The following IPCEF1 variants were observed in gnomAD, a reference collection of about 807,000 sequenced individuals.
IPCEF1 encodes the protein interaction protein for cytohesin exchange factors 1.
In IPCEF1, 31 loss-of-function variants were observed where a neutral mutation model predicts 50.9. The ratio of observed to expected loss-of-function variants is 0.61; its 90% CI spans 0.46 to 0.82. IPCEF1 has a LOEUF of 0.82. Among genes scored for constraint, IPCEF1 ranks in the 40% least tolerant of loss-of-function variants. IPCEF1 has a pLI of 0.00. For synonymous variants in IPCEF1, 181 were observed against 192.0 expected (o/e 0.94, Z 0.47); for missense variants, 458 against 514.0 (o/e 0.89, Z 1.05).
rs1020383648 is a variant in IPCEF1 at position 154,156,826 on chromosome 6, G to A, written c.*3002C>T. 6 of 152,260 alleles carry A rather than the reference G, an allele frequency of 3.9e-5. No individual in the cohort carries two copies. Among genetic ancestry groups the A allele is most frequent in the South Asian group, 4.1e-4 (2 of 4,822 alleles). 9.4% of individuals were successfully genotyped at this position (152,260 alleles called of 1,614,324 possible). A position where few individuals can be genotyped will look rare whatever the true frequency, so the allele number is the denominator to read the frequency against. ...TCAACCAGTGAAGGCATCACATCAG[G>A]CTCCGTTCTGGATCTACAGGCTAAC... On this transcript the variant is annotated 3_prime_UTR_variant, in exon 12 of 12. Coordinates refer to ENST00000367220, the MANE Select transcript of IPCEF1 (RefSeq NM_001130700.2).
chr6:154,262,311 T>C (rs1427783134), intron 3 of IPCEF1, among the ~76,000 whole-genome samples: 1 of 152,248 alleles, frequency 6.6e-6, no homozygotes, highest in Non-Finnish European at 1.5e-5. Flanking sequence ...ATTATAGTGG[T>C]AATGGCTTTA....
intron 10 of IPCEF1, among the ~76,000 whole-genome samples, chr6:154,169,760 G>A (rs531891137): frequency 1.3e-5 from 2 of 152,308 alleles, no homozygotes; most frequent in South Asian, 2.1e-4. Flanking sequence ...TGGACTAGAC[G>A]AGGCCAATGG....
chr6:154,231,563 C>T (rs559670670), intron 5 of IPCEF1, among the ~76,000 whole-genome samples: 4 of 152,178 alleles, frequency 2.6e-5, no homozygotes, highest in African/African-American at 7.2e-5. Flanking sequence ...CGCCATACAA[C>T]GCGTAGAGCA....
chr6:154,227,241 A>T (rs1779326326), intron 5 of IPCEF1, among the ~76,000 whole-genome samples: 1 of 151,894 alleles, frequency 6.6e-6, no homozygotes, highest in Non-Finnish European at 1.5e-5. Context: ...ATAAAATAAT[A>T]AAAAAATAAA....
intron 1 of IPCEF1, among the ~76,000 whole-genome samples, chr6:154,295,885 ACAC>A (rs1782639701): frequency 7.8e-6 from 1 of 128,116 alleles, no homozygotes; most frequent in Non-Finnish European, 1.6e-5. Flanking sequence ...ACACACACAC[ACAC>A]ATGCGTACAC....
At chr6:154,214,416 C>A in intron 7 of IPCEF1, 140 bp from the exon 8 acceptor site, 1 of 704,424 alleles carries the variant, frequency 1.4e-6, no homozygotes, top group South Asian at 1.6e-5. Flanking sequence ...AAGTTTGTGC[C>A]ATCGAAACCT....
intron 9 of IPCEF1, among the ~76,000 whole-genome samples, chr6:154,207,309 A>G (rs1777583454): frequency 1.3e-5 from 2 of 152,180 alleles, no homozygotes; most frequent in South Asian, 4.1e-4. Flanking sequence ...ATATTCAACC[A>G]TATGGCTTAC....
chr6:154,323,686 C>G (rs955601548), intron 1 of IPCEF1, among the ~76,000 whole-genome samples: 1 of 152,182 alleles, frequency 6.6e-6, no homozygotes, highest in Non-Finnish European at 1.5e-5. Flanking sequence ...GGTGCAGTGG[C>G]TCACACCTGT....
chr6:154,230,950 A>G (rs1210381577), intron 5 of IPCEF1, among the ~76,000 whole-genome samples: 1 of 152,214 alleles, frequency 6.6e-6, no homozygotes, highest in East Asian at 1.9e-4. Flanking sequence ...AATTCTTGAA[A>G]TTACATTGAG....
At chr6:154,179,479 G>C (rs1005064017) in intron 10 of IPCEF1, among the ~76,000 whole-genome samples, 1 of 152,146 alleles carries the variant, frequency 6.6e-6, no homozygotes, top group Admixed American at 6.6e-5. Flanking sequence ...TTGGAGACGG[G>C]AGCCAAATTA....
At chr6:154,262,911 G>C (rs1781640032) in intron 3 of IPCEF1, among the ~76,000 whole-genome samples, 7 of 151,620 alleles carry the variant, frequency 4.6e-5, no homozygotes, top group Admixed American at 4.6e-4. Context: ...TCAGTAGCTG[G>C]GACTACAGGT....
chr6:154,191,552 T>C (rs1418350109), intron 10 of IPCEF1, among the ~76,000 whole-genome samples: 1 of 151,988 alleles, frequency 6.6e-6, no homozygotes, highest in Non-Finnish European at 1.5e-5. Flanking sequence ...CGAGCGCCTA[T>C]AGTCCTAGCT....
intron 5 of IPCEF1, among the ~76,000 whole-genome samples, chr6:154,231,869 G>A (rs1451851820): frequency 2.6e-5 from 4 of 152,116 alleles, no homozygotes; most frequent in African/African-American, 4.8e-5. Flanking sequence ...AGCAATTCTC[G>A]AAATTAAAAA....
intron 10 of IPCEF1, among the ~76,000 whole-genome samples, chr6:154,180,014 G>A (rs1800695356): frequency 6.6e-6 from 1 of 152,144 alleles, no homozygotes; most frequent in Non-Finnish European, 1.5e-5. Flanking sequence ...AATTTTTCAT[G>A]CAATGCTAGC....
At chr6:154,343,965 C>T (rs2473541) in intron 1 of IPCEF1, among the ~76,000 whole-genome samples, 52,349 of 152,010 alleles carry the variant, frequency 0.34, 9,737 homozygotes, top group Non-Finnish European at 0.43. Context: ...ATCAAGGCGC[C>T]CTGCATTTGC....
chr6:154,331,429 G>T (rs1207659917), intron 1 of IPCEF1, among the ~76,000 whole-genome samples: 1 of 140,152 alleles, frequency 7.1e-6, no homozygotes. Context: ...GAAAGAGAGA[G>T]AGAGAAAGAA....
chr6:154,221,612 G>A (rs1251718242), intron 6 of IPCEF1, among the ~76,000 whole-genome samples: 1 of 152,076 alleles, frequency 6.6e-6, no homozygotes, highest in Non-Finnish European at 1.5e-5. Flanking sequence ...GGTGGCTCAC[G>A]CCTGTAATCC....
intron 10 of IPCEF1, among the ~76,000 whole-genome samples, chr6:154,183,450 C>T (rs1406077530): frequency 6.6e-6 from 1 of 152,174 alleles, no homozygotes; most frequent in African/African-American, 2.4e-5. Flanking sequence ...CATTTGAGAA[C>T]ATTTTGACCA....
rs1798822946 is a variant in IPCEF1 at position 154,158,963 on chromosome 6, T to C, written c.*865A>G. ...AAACAATTCAGATGCCAAAGTCGTC[T>C]TGTCAATATTGATCCTGGGAAACCT... is the stretch of plus-strand genomic sequence containing the variant. On this transcript the variant is annotated 3_prime_UTR_variant, in exon 12 of 12. Transcript: ENST00000367220. 6.6e-6 allele frequency: 1 copy of C among 152,234 alleles called. No individual in the cohort carries two copies. Among genetic ancestry groups the C allele is most frequent in the African/African-American group, 2.4e-5 (1 of 41,464 alleles). The allele number at this position is 152,234 out of a possible 1,614,324, so 9.4% of individuals were successfully genotyped here.
Sources: allele counts gnomAD v4.1 joint callset (sites outside exome capture counted in the v4.1 genomes callset), GRCh38; gene constraint gnomAD v4.1.1; transcripts MANE v1.5; gene names NCBI Gene and HGNC (gene_info 2026-07-23, HGNC 2026-07-21).